Variants in KCNK9 observed in about 807,000 individuals in gnomAD.
KCNK9 encodes potassium channel subfamily K member 9.
In KCNK9, 1 loss-of-function variant was observed where a neutral mutation model predicts 10.8. That is an observed-to-expected ratio of 0.09 (90% confidence interval 0.03 to 0.44). The LOEUF (loss-of-function observed/expected upper bound fraction) is 0.44. Among genes scored for constraint, KCNK9 ranks in the 20% least tolerant of loss-of-function variants. The pLI is 0.97. For synonymous variants in KCNK9, 231 were observed against 222.7 expected (o/e 1.04, Z -0.33); for missense variants, 303 against 515.0 (o/e 0.59, Z 3.98).
At chr8:139,663,654 T>TGTGTGTG (rs911882521) in intron 1 of KCNK9, among the ~76,000 whole-genome samples, 1 of 147,000 alleles carries the variant, frequency 6.8e-6, no homozygotes, top group Non-Finnish European at 1.5e-5. Flanking sequence ...CGCACGTGTG[T>TGTGTGTG]GTGTGTGTGT....
In KCNK9 at chr8:139,647,054, C is replaced by T. The variant is rs569156437; in HGVS notation, c.284-27955G>A. On this transcript the variant is annotated intron_variant, in intron 1 of 1. Coordinates refer to ENST00000520439, the MANE Select transcript of KCNK9 (RefSeq NM_001282534.2). Reference sequence around the variant, plus strand: ...GGGCTCCCAGACCCTACACAAGGGACCTCTCCCGCCCTCTGTTGGCGGCAG... The same window carrying T: ...GGGCTCCCAGACCCTACACAAGGGATCTCTCCCGCCCTCTGTTGGCGGCAG... 2.6e-5 allele frequency among the ~76,000 whole-genome samples: 4 copies of T among 152,366 alleles called. No homozygotes were observed. In the South Asian group the frequency reaches 8.3e-4, roughly 32 times the overall value.
intron 1 of KCNK9, among the ~76,000 whole-genome samples, chr8:139,682,743 C>T (rs1816717288): frequency 6.6e-6 from 1 of 152,178 alleles, no homozygotes; most frequent in African/African-American, 2.4e-5. Flanking sequence ...AAGCACAGGC[C>T]CTGGCCATCT....
intron 1 of KCNK9, among the ~76,000 whole-genome samples, chr8:139,685,529 G>A (rs919283370): frequency 1.9e-4 from 29 of 152,216 alleles, no homozygotes; most frequent in Middle Eastern, 3.4e-3. Flanking sequence ...GAGAACATGC[G>A]ATGTTTGGTT....
At chr8:139,663,682 T>TGTGTGTGTG (rs1554624294) in intron 1 of KCNK9, among the ~76,000 whole-genome samples, 17 of 145,736 alleles carry the variant, frequency 1.2e-4, no homozygotes, top group South Asian at 2.2e-4. Flanking sequence ...TGTGTGTGTG[T>TGTGTGTGTG]TAGAGAGAGA....
chr8:139,647,998 G>T (rs955696617), intron 1 of KCNK9, among the ~76,000 whole-genome samples: 2 of 152,210 alleles, frequency 1.3e-5, no homozygotes, highest in Non-Finnish European at 2.9e-5. Flanking sequence ...AATGTGCATA[G>T]CAGCACGCTA....
At chr8:139,658,673 G>C (rs866821577) in intron 1 of KCNK9, among the ~76,000 whole-genome samples, 1 of 152,312 alleles carries the variant, frequency 6.6e-6, no homozygotes, top group Middle Eastern at 3.4e-3. Flanking sequence ...CAAACCAGAT[G>C]TGTCCTCAGG....
Position 139,617,829 on chromosome 8 carries a change from G to T in KCNK9, c.*429C>A, listed in dbSNP as rs1814646778. Among the ~76,000 whole-genome samples the T allele has an allele frequency of 6.6e-6, 1 of 152,098 alleles. No homozygotes were observed. The highest frequency in any genetic ancestry group is 2.1e-4 in the South Asian group (1 of 4,822). On this transcript the variant is annotated 3_prime_UTR_variant, in exon 2 of 2. Coordinates refer to ENST00000520439, the MANE Select transcript of KCNK9 (RefSeq NM_001282534.2). ...CCTTAGGAAAAGAGAAAGGAGTTAG[G>T]TCAGAGACACCACTAAGGGTAGGCG... is the stretch of plus-strand genomic sequence containing the variant.
chr8:139,615,048 G>A (rs1157311148), downstream of KCNK9, among the ~76,000 whole-genome samples: 2 of 152,202 alleles, frequency 1.3e-5, no homozygotes, highest in Non-Finnish European at 1.5e-5. Flanking sequence ...ACTGGGAGAA[G>A]GGTATGAAAA....
intron 1 of KCNK9, among the ~76,000 whole-genome samples, chr8:139,652,680 C>T (rs926197256): frequency 2.0e-5 from 3 of 152,174 alleles, no homozygotes; most frequent in South Asian, 4.1e-4. Flanking sequence ...ACCTTAAAGG[C>T]CTTTCAGGAG....
At chr8:139,655,594 C>T (rs1816002054) in intron 1 of KCNK9, among the ~76,000 whole-genome samples, 1 of 152,202 alleles carries the variant, frequency 6.6e-6, no homozygotes, top group African/African-American at 2.4e-5. Context: ...GGACAAGTCC[C>T]ACAGCCACCC....
chr8:139,696,298 C>A (rs1269708272), intron 1 of KCNK9, among the ~76,000 whole-genome samples: 1 of 152,176 alleles, frequency 6.6e-6, no homozygotes, highest in Admixed American at 6.5e-5. Context: ...GTGCTGGTTA[C>A]ATGGACATGA....
At position 139,669,312 on chromosome 8, in the gene KCNK9, A is replaced by C. The variant is rs148719273; in HGVS notation, c.283+33398T>G. On this transcript the variant is annotated intron_variant, in intron 1 of 1. Transcript: ENST00000520439. ...CACAGATTGACTCTTCCTTTCACCA[A>C]AGATTTCTCTGGAGTATGCGATGCT... Among the ~76,000 whole-genome samples, 77 of 152,316 alleles carry C rather than the reference A, an allele frequency of 5.1e-4. No homozygotes were observed. In the East Asian group the frequency reaches 0.015, roughly 29 times the overall value.
In KCNK9 at chr8:139,669,357, G is replaced by A. The variant is rs74963170; in HGVS notation, c.283+33353C>T. On this transcript the variant is annotated intron_variant, in intron 1 of 1. Transcript: ENST00000520439. ...GATGCTGTTTGATAGCAATTTCCAC[G>A]GACTAGGACTGCAGAAACTGGAGTC... 6.4e-3 allele frequency among the ~76,000 whole-genome samples: 970 copies of A among 152,294 alleles called. 7 individuals carry two copies. Among genetic ancestry groups the A allele is most frequent in the African/African-American group, 0.022 (907 of 41,560 alleles).
rs552169974 is a variant in KCNK9, at chr8:139,630,066, C to T, written c.284-10967G>A. Among the ~76,000 whole-genome samples the T allele has an allele frequency of 2.1e-3, 308 of 145,610 alleles. 3 individuals carry two copies. Among genetic ancestry groups the T allele is most frequent in the African/African-American group, 7.2e-3 (286 of 39,804 alleles). On this transcript the variant is annotated intron_variant, in intron 1 of 1. Transcript: ENST00000520439. ...GGTTGCCTAGGGGTTGCGGGGGGAG[C>T]GGGCGTGGGGGGCGGCGCGAAAGGG... is the stretch of plus-strand genomic sequence containing the variant.
chr8:139,690,965 T>G (rs1397056197), intron 1 of KCNK9, among the ~76,000 whole-genome samples: 1 of 152,204 alleles, frequency 6.6e-6, no homozygotes, highest in Non-Finnish European at 1.5e-5. Flanking sequence ...AAAAGGCATC[T>G]ACCTCTGAAA....
At chr8:139,697,922 C>T (rs993538059) in intron 1 of KCNK9, among the ~76,000 whole-genome samples, 2 of 152,140 alleles carry the variant, frequency 1.3e-5, no homozygotes, top group African/African-American at 4.8e-5. Context: ...CAGGCATCTC[C>T]TGGCTCCCCA....
chr8:139,633,854 G>A (rs1815251629), intron 1 of KCNK9, among the ~76,000 whole-genome samples: 2 of 152,240 alleles, frequency 1.3e-5, no homozygotes, highest in Admixed American at 6.5e-5. Context: ...CACAAAGCAA[G>A]GGGAATGGCC....
At position 139,618,270 on chromosome 8, in the gene KCNK9, C is replaced by G. The variant is rs757747560; in HGVS notation, c.1113G>C (p.Arg371=). The change falls in exon 2 of 2, where the codon CGG becomes CGC. Residue 371 remains arginine (R), a synonymous_variant. Transcript: ENST00000520439. The surrounding 1 kb of genome is among the most constrained non-coding windows in gnomAD (Gnocchi z 7.9). The part of the protein sequence containing the change: ...FTDHQRLMKR[R]KSV ...TCCCTCCCCACACCTAAACGGACTTCCGGCGTTTCATCAGCCTCTGGTGGT... is the reference window on the plus strand; with the variant it reads ...TCCCTCCCCACACCTAAACGGACTTGCGGCGTTTCATCAGCCTCTGGTGGT... 5 of 1,614,088 alleles carry G rather than the reference C, an allele frequency of 3.1e-6. No homozygotes were observed. The highest frequency in any genetic ancestry group is 4.2e-6 in the Non-Finnish European group (5 of 1,180,054).
chr8:139,702,357 C>T lies in KCNK9; in HGVS notation c.283+353G>A, dbSNP rs1817244346. 6.6e-6 allele frequency among the ~76,000 whole-genome samples: 1 copy of T among 152,116 alleles called. No homozygotes were observed. Among genetic ancestry groups the T allele is most frequent in the South Asian group, 2.1e-4 (1 of 4,834 alleles). On this transcript the variant is annotated intron_variant, in intron 1 of 1. Transcript: ENST00000520439. This position sits in a 1 kb window ranked among gnomAD's most constrained non-coding sequence, Gnocchi z 7.5. ...GCTCAGAGCCCCGCGCAGCCCAGCC[C>T]GCGCCGGGGCGGTGGGTGGGTGGGT...
Sources: gnomAD v4.1 joint callset for allele counts (sites outside exome capture counted in the v4.1 genomes callset) on GRCh38, gnomAD v4.1.1 for gene constraint, Gnocchi (gnomAD v3.1) non-coding constraint, MANE v1.5 for transcripts, NCBI Gene and HGNC (gene_info 2026-07-23, HGNC 2026-07-21) for gene names.